PTAR1: variants seen among roughly 807,000 people sequenced by gnomAD.
PTAR1 encodes protein prenyltransferase alpha subunit repeat containing 1, also known as protein prenyltransferase alpha subunit repeat-containing protein 1.
PTAR1 carries 17 observed loss-of-function variants against 45.5 expected under a neutral mutation model. That is an observed-to-expected ratio of 0.37 (90% CI 0.26 to 0.56). PTAR1 has a LOEUF of 0.56. PTAR1 is among the 20% of genes least tolerant of loss of function. The pLI is 0.77. For synonymous variants in PTAR1, 169 were observed against 171.3 expected, an observed-to-expected ratio of 0.99 and a Z score of 0.11; for missense variants, 391 against 476.3, an observed-to-expected ratio of 0.82 and a Z score of 1.67.
rs370385060 is a variant in PTAR1, at chr9:69,718,577, A to G, written c.983-9T>C. On this transcript the variant is annotated splice_polypyrimidine_tract_variant and intron_variant, in intron 7 of 7. Transcript: ENST00000340434. ...AGACAGCTGGGAGCCTGCTGGGATA[A>G]GGTGCAAGTCACTCAAAGTCCCCCC... 65 of 1,613,554 alleles carry G rather than the reference A, an allele frequency of 4.0e-5. No homozygotes were observed. The highest frequency in any genetic ancestry group is 1.6e-4 in the Middle Eastern group (1 of 6,074).
intron 5 of PTAR1, among the ~76,000 whole-genome samples, chr9:69,727,034 C>CAG (rs1316041340): frequency 1.3e-5 from 2 of 150,364 alleles, no homozygotes; most frequent in African/African-American, 4.9e-5. Context: ...TATACACACA[C>CAG]ACACACACAC....
At chr9:69,753,003 T>C (rs1826599475) in intron 1 of PTAR1, among the ~76,000 whole-genome samples, 1 of 152,154 alleles carries the variant, frequency 6.6e-6, no homozygotes, top group African/African-American at 2.4e-5. Flanking sequence ...AATGTGATTA[T>C]TTCAGGAAAT....
Position 69,714,693 on chromosome 9 carries a change from T to C in PTAR1, c.*3649A>G, listed in dbSNP as rs1020105696. The stretch of plus-strand genomic sequence containing the variant: ...CCTTATTTAAAAATTTAAGTACTTT[T>C]AGAGATAACCTGTATATATTTAACC... On this transcript the variant is annotated 3_prime_UTR_variant, in exon 8 of 8. Transcript: ENST00000340434. The C allele has an allele frequency of 1.3e-5, 2 of 152,120 alleles. No individual in the cohort carries two copies. Among genetic ancestry groups the C allele is most frequent in the African/African-American group, 4.8e-5 (2 of 41,446 alleles). The allele number at this position is 152,120 out of a possible 1,614,324, so 9.4% of individuals were successfully genotyped here.
chr9:69,743,320 GC>G (rs1413991204), intron 2 of PTAR1, among the ~76,000 whole-genome samples: 26 of 152,038 alleles, frequency 1.7e-4, no homozygotes, highest in Non-Finnish European at 2.6e-4. Flanking sequence ...CAAAATGTCT[GC>G]CTACAATAAT....
chr9:69,749,940 C>T (rs1480783121), intron 2 of PTAR1, among the ~76,000 whole-genome samples: 1 of 152,032 alleles, frequency 6.6e-6, no homozygotes, highest in South Asian at 2.1e-4. Flanking sequence ...AAACAAAGTT[C>T]TTATTCAAAA....
intron 5 of PTAR1, among the ~76,000 whole-genome samples, chr9:69,728,924 T>A (rs1161519764): frequency 6.6e-6 from 1 of 152,218 alleles, no homozygotes; most frequent in Non-Finnish European, 1.5e-5. Context: ...CATTGTTGTG[T>A]GTATGTATTA....
chr9:69,747,136 G>A (rs958001729), intron 2 of PTAR1, among the ~76,000 whole-genome samples: 1 of 152,188 alleles, frequency 6.6e-6, no homozygotes, highest in African/African-American at 2.4e-5. Flanking sequence ...ACATGTAAAG[G>A]TTCTGAGTAA....
chr9:69,725,817 GTTAACTT>G (rs966656347), intron 5 of PTAR1, among the ~76,000 whole-genome samples: 1 of 151,960 alleles, frequency 6.6e-6, no homozygotes, highest in African/African-American at 2.4e-5. Flanking sequence ...AAGTGATCCA[GTTAACTT>G]TTAAGTGATC....
chr9:69,742,223 T>C (rs1354573937), intron 2 of PTAR1, among the ~76,000 whole-genome samples: 3 of 152,146 alleles, frequency 2.0e-5, no homozygotes, highest in Non-Finnish European at 2.9e-5. Context: ...ATCTCAAGTA[T>C]TGACGGTGTG....
intron 3 of PTAR1, chr9:69,741,484 A>G: frequency 3.4e-6 from 1 of 290,332 alleles, no homozygotes; most frequent in Admixed American, 4.5e-5. Flanking sequence ...ATGCCTTATA[A>G]GCCAACCAGT....
intron 1 of PTAR1, among the ~76,000 whole-genome samples, chr9:69,752,320 G>C (rs1255546815): frequency 6.6e-6 from 1 of 152,042 alleles, no homozygotes; most frequent in African/African-American, 2.4e-5. Flanking sequence ...AAATTGGTAG[G>C]AGGCTGTGGA....
chr9:69,751,332 A>G (rs1403381159), intron 1 of PTAR1, among the ~76,000 whole-genome samples: 1 of 151,988 alleles, frequency 6.6e-6, no homozygotes, highest in Non-Finnish European at 1.5e-5. Flanking sequence ...GTTTATCAAT[A>G]TAAGACTAGT....
chr9:69,756,986 T>G (rs1826807624), intron 1 of PTAR1: 1 of 152,218 alleles, frequency 6.6e-6, no homozygotes, highest in Non-Finnish European at 1.5e-5. Flanking sequence ...CTACTATGGC[T>G]AGTGGCTACC....
chr9:69,718,462 G>A lies in PTAR1; in HGVS notation c.1089C>T (p.Asp363=). Residue 363 remains aspartate (D), a synonymous_variant, in exon 8 of 8, where the codon GAC becomes GAT. Transcript: ENST00000340434. ...TKRLKRTPVP[D]SLGLEMEHRF... is the part of the protein sequence containing the mutation. ...TGTGCTCCATTTCTAGGCCTAGGGAGTCTGGAACTGGCGTCCGCTTCAGGC... is the reference window on the plus strand; with the variant it reads ...TGTGCTCCATTTCTAGGCCTAGGGAATCTGGAACTGGCGTCCGCTTCAGGC... 6.2e-7 allele frequency: 1 copy of A among 1,613,784 alleles called. No homozygotes were observed.
chr9:69,726,009 G>A (rs1242190231), intron 5 of PTAR1, among the ~76,000 whole-genome samples: 1 of 152,028 alleles, frequency 6.6e-6, no homozygotes, highest in Non-Finnish European at 1.5e-5. Context: ...GAGGGATAAC[G>A]TGCTAAAAAT....
intron 3 of PTAR1, among the ~76,000 whole-genome samples, chr9:69,738,954 T>G (rs1006484648): frequency 6.6e-6 from 1 of 152,000 alleles, no homozygotes; most frequent in Non-Finnish European, 1.5e-5. Flanking sequence ...ACTACACATG[T>G]GCACTGACAC....
intron 1 of PTAR1, 69 bp downstream of exon 1, chr9:69,759,784 G>A (rs1379476276): frequency 2.1e-6 from 3 of 1,413,672 alleles, no homozygotes; most frequent in Non-Finnish European, 2.8e-6. Flanking sequence ...CCCGAGGTCG[G>A]GTGGACGCTT....
chr9:69,734,005 T>A lies in PTAR1; in HGVS notation c.428+145A>T, dbSNP rs1450856316. 8.7e-6 allele frequency: 5 copies of A among 571,644 alleles called. No individual in the cohort carries two copies. The Admixed American group carries it at 1.6e-4, about 19-fold the overall frequency. The allele number at this position is 571,644 out of a possible 1,614,324, so 35.4% of individuals were successfully genotyped here. On this transcript the variant is annotated intron_variant, in intron 4 of 7. Coordinates refer to ENST00000340434, the MANE Select transcript of PTAR1 (RefSeq NM_001099666.2). ...ATGAACACTTAGGTAGCAAGTTATATAGCTCCTAGATTTAAATGTAGGTAA... is the reference window on the plus strand; with the variant it reads ...ATGAACACTTAGGTAGCAAGTTATAAAGCTCCTAGATTTAAATGTAGGTAA...
chr9:69,753,511 C>T (rs751308073), intron 1 of PTAR1, among the ~76,000 whole-genome samples: 1 of 152,104 alleles, frequency 6.6e-6, no homozygotes, highest in Non-Finnish European at 1.5e-5. Flanking sequence ...GATATATACA[C>T]ACACACATAT....
Sources: gnomAD v4.1 joint callset for allele counts (sites outside exome capture counted in the v4.1 genomes callset) on GRCh38, gnomAD v4.1.1 for gene constraint, MANE v1.5 for transcripts, NCBI Gene and HGNC (gene_info 2026-07-23, HGNC 2026-07-21) for gene names.